The following ULK3 variants were observed in gnomAD, a reference collection of about 807,000 sequenced individuals.
The protein encoded by ULK3 is unc-51 like kinase 3.
Under a neutral mutation model 69.4 loss-of-function variants are expected in ULK3, and 54 were observed. The observed-to-expected ratio is 0.78, with a 90% confidence interval of 0.63 to 0.98. The LOEUF is 0.98. ULK3 is among the 50% of genes least tolerant of loss of function. The pLI, the probability that ULK3 is intolerant of heterozygous loss-of-function variation, is 0.00. For missense variants in ULK3, 558 were observed against 627.7 expected, an observed-to-expected ratio of 0.89 and a Z score of 1.19; for synonymous variants, 240 against 254.5, an observed-to-expected ratio of 0.94 and a Z score of 0.54.
In ULK3 at chr15:74,842,043, CAG is replaced by C. The variant is rs773567981; in HGVS notation, c.364+30_364+31del. 6.2e-7 allele frequency: 1 copy of C among 1,612,932 alleles called. No individual in the cohort carries two copies. The highest frequency in any genetic ancestry group is 1.1e-5 in the South Asian group (1 of 91,036). ...ATGGTGGGGGGCAGAGAACAAGGGA[CAG>C]AGTGTCAGGCTGGTGTCACAGGCCT... is the stretch of plus-strand genomic sequence containing the variant. On this transcript the variant is annotated intron_variant, in intron 3 of 15. Coordinates refer to ENST00000440863, the MANE Select transcript of ULK3 (RefSeq NM_001099436.4). The surrounding 1 kb of genome is among the most constrained non-coding windows in gnomAD (Gnocchi z 4.9).
In ULK3 at chr15:74,842,813, A is replaced by C; in HGVS notation, c.102+191T>G. ...CCTGTTCTTCAGCCACTGACCCTGC[A>C]GGTGGGTGCAGGTGCGCTCTTTAAG... On this transcript the variant is annotated intron_variant, in intron 1 of 15. Transcript: ENST00000440863. The surrounding 1 kb of genome is among the most constrained non-coding windows in gnomAD (Gnocchi z 4.9). 7.3e-7 allele frequency: 1 copy of C among 1,371,822 alleles called. No homozygotes were observed. The highest frequency in any genetic ancestry group is 9.7e-7 in the Non-Finnish European group (1 of 1,026,272). The allele number at this position is 1,371,822 out of a possible 1,614,324, so 85.0% of individuals were successfully genotyped here.
rs2064126319 is a variant in ULK3 at position 74,838,750 on chromosome 15, A to G, written c.1000-5T>C. 1.3e-6 allele frequency: 2 copies of G among 1,599,432 alleles called. No homozygotes were observed. Among genetic ancestry groups the G allele is most frequent in the South Asian group, 1.1e-5 (1 of 89,256 alleles). On this transcript the variant is annotated splice_polypyrimidine_tract_variant and splice_region_variant and intron_variant, in intron 9 of 15. Coordinates refer to ENST00000440863, the MANE Select transcript of ULK3 (RefSeq NM_001099436.4). ...CCGGGACACGTACTGCCCCACCTGT[A>G]GCAGGGAAAGGGCCTGAGGAGGGGC...
Position 74,843,018 on chromosome 15 carries a change from T to A in ULK3, c.88A>T (p.Lys30Ter). The A allele has an allele frequency of 6.5e-7, 1 of 1,541,666 alleles. No individual in the cohort carries two copies. Among genetic ancestry groups the A allele is most frequent in the Non-Finnish European group, 8.7e-7 (1 of 1,143,068 alleles). Residue 30 changes from lysine to a stop codon, truncating the protein, a stop_gained, in exon 1 of 16, where the codon AAG (lysine) becomes TAG (stop). Coordinates refer to ENST00000440863, the MANE Select transcript of ULK3 (RefSeq NM_001099436.4). LOFTEE classifies it high-confidence loss of function. ...CCGGCACCCACCTTGGCGTAGGCCTTGTACACCGTGGCGTACGTGCCGCTG... is the reference window on the plus strand; with the variant it reads ...CCGGCACCCACCTTGGCGTAGGCCTAGTACACCGTGGCGTACGTGCCGCTG... ...LGSGTYATVYKAYAKKDTREV... is the reference protein window; with the variant it reads ...LGSGTYATVY
In ULK3 at chr15:74,837,366, C is replaced by T. The variant is rs2064050453; in HGVS notation, c.1402+3G>A. 1.2e-6 allele frequency: 2 copies of T among 1,613,018 alleles called. No individual in the cohort carries two copies. Among genetic ancestry groups the T allele is most frequent in the Admixed American group, 1.7e-5 (1 of 59,812 alleles). On this transcript the variant is annotated splice_donor_region_variant and intron_variant, in intron 15 of 15. Transcript: ENST00000440863. ...GGAGGATCGACCCCAGGGCAGGACTCACAGCTACGAACAGATTCCGACAGT... is the reference window on the plus strand; with the variant it reads ...GGAGGATCGACCCCAGGGCAGGACTTACAGCTACGAACAGATTCCGACAGT...
intron 3 of ULK3, 130 bp from the exon 4 acceptor site, chr15:74,841,639 C>T: frequency 2.7e-6 from 2 of 744,662 alleles, no homozygotes; most frequent in Non-Finnish European, 4.4e-6. Flanking sequence ...TAATGTTTTC[C>T]ATATAAGCAC....
rs1278648076 is a variant in ULK3, at chr15:74,837,382, TTCCGACAGTCCC to T, written c.1377_1388del (p.Gly460_Glu463del). 6.2e-7 allele frequency: 1 copy of T among 1,613,112 alleles called. No individual in the cohort carries two copies. The highest frequency in any genetic ancestry group is 1.1e-5 in the South Asian group (1 of 90,878). ...GGCAGGACTCACAGCTACGAACAGATTCCGACAGTCCCTCTTTGTCCAGGGTGTCAGCTTCCC... is the reference window on the plus strand; with the variant it reads ...GGCAGGACTCACAGCTACGAACAGATTCTTTGTCCAGGGTGTCAGCTTCCC... On this transcript the variant is annotated inframe_deletion, in exon 15 of 16. Transcript: ENST00000440863.
intron 6 of ULK3, 21 bp downstream of exon 6, chr15:74,840,213 C>A: frequency 6.3e-7 from 1 of 1,597,578 alleles, no homozygotes; most frequent in Non-Finnish European, 8.5e-7. Flanking sequence ...CCAGTGGTCG[C>A]TAAGGCCCTG....
At chr15:74,837,681 G>C in intron 14 of ULK3, 70 bp downstream of exon 14, 1 of 1,506,606 alleles carries the variant, frequency 6.6e-7, no homozygotes, top group Admixed American at 2.0e-5. Flanking sequence ...AGCAGGGGGG[G>C]ACGACAGCCA....
chr15:74,839,767 C>T, intron 6 of ULK3, 54 bp from the exon 7 acceptor site: 1 of 1,470,822 alleles, frequency 6.8e-7, no homozygotes, highest in Admixed American at 2.4e-5. Context: ...CCACCCCTAC[C>T]CCTAGCCCAG....
intron 13 of ULK3, 96 bp downstream of exon 13, chr15:74,838,056 T>C (rs2064088754): frequency 6.7e-7 from 1 of 1,501,808 alleles, no homozygotes; most frequent in Non-Finnish European, 9.0e-7. Flanking sequence ...ACCCTGACAG[T>C]GGGACATTCC....
At chr15:74,841,871 C>T (rs1403890347) in intron 3 of ULK3, among the ~76,000 whole-genome samples, 3 of 152,224 alleles carry the variant, frequency 2.0e-5, no homozygotes, top group Admixed American at 2.0e-4. Flanking sequence ...AGCCTGAACA[C>T]CCCACAGAGG....
At chr15:74,839,791 A>G in intron 6 of ULK3, 78 bp from the exon 7 acceptor site, 1 of 1,443,818 alleles carries the variant, frequency 6.9e-7, no homozygotes, top group Non-Finnish European at 9.1e-7. Context: ...TCTGCGAGGA[A>G]CCCCAGAGGT....
chr15:74,839,621 G>A lies in ULK3; in HGVS notation c.789C>T (p.Asp263=), dbSNP rs1455313338. ...RDPSRRISFQ[D]FFAHPWVDLE... ...GGTCCACCCAGGGGTGCGCAAAAAA[G>A]TCCTGGAAGGAGATGCGACGGCTGG... The change falls in exon 7 of 16, where the codon GAC becomes GAT. Residue 263 remains aspartate, a synonymous_variant. Coordinates refer to ENST00000440863, the MANE Select transcript of ULK3 (RefSeq NM_001099436.4). 3 of 1,560,862 alleles carry A rather than the reference G, an allele frequency of 1.9e-6. No homozygotes were observed. Among genetic ancestry groups the A allele is most frequent in the Non-Finnish European group, 2.6e-6 (3 of 1,153,832 alleles).
At position 74,843,024 on chromosome 15, in the gene ULK3, C is replaced by T. The variant is rs748626370; in HGVS notation, c.82G>A (p.Val28Met). 7.2e-5 allele frequency: 111 copies of T among 1,535,656 alleles called. No individual in the cohort carries two copies. Among genetic ancestry groups the T allele is most frequent in the Non-Finnish European group, 8.7e-5 (99 of 1,139,824 alleles). ...CCCACCTTGGCGTAGGCCTTGTACA[C>T]CGTGGCGTACGTGCCGCTGCCCAGG... ...ERLGSGTYATVYKAYAKKDTR... is the reference protein window; with the variant it reads ...ERLGSGTYATMYKAYAKKDTR... Residue 28 changes from valine to methionine, a missense_variant, in exon 1 of 16, where the codon GTG becomes ATG. Coordinates refer to ENST00000440863, the MANE Select transcript of ULK3 (RefSeq NM_001099436.4).
intron 4 of ULK3, 133 bp downstream of exon 4, chr15:74,841,272 C>G: frequency 2.9e-6 from 2 of 684,348 alleles, no homozygotes; most frequent in Non-Finnish European, 4.8e-6. Flanking sequence ...GGGCCCAACC[C>G]CAGACTTCAC....
Position 74,843,085 on chromosome 15 carries a change from A to G in ULK3, c.21T>C (p.Gly7=). The change falls in exon 1 of 16, where the codon GGT becomes GGC. Residue 7 remains glycine, a synonymous_variant. Transcript: ENST00000440863. ...GGATGAAGCCGTCCAGGCGCGGGGG[A>G]CCCCAGCCGGGCCCCGCCATTCCGG... The part of the protein sequence containing the change: MAGPGW[G]PPRLDGFILT... 2 of 1,369,830 alleles carry G rather than the reference A, an allele frequency of 1.5e-6. No individual in the cohort carries two copies. The highest frequency in any genetic ancestry group is 1.9e-6 in the Non-Finnish European group (2 of 1,052,804). 84.9% of individuals were successfully genotyped at this position (1,369,830 alleles called of 1,614,324 possible).
At chr15:74,839,761 C>A in intron 6 of ULK3, 48 bp from the exon 7 acceptor site, 1 of 1,475,902 alleles carries the variant, frequency 6.8e-7, no homozygotes, top group Non-Finnish European at 8.9e-7. Context: ...GCTCCTCCAC[C>A]CCTACCCCTA....
chr15:74,837,913 A>T, intron 13 of ULK3, 115 bp from the exon 14 acceptor site: 4 of 1,250,092 alleles, frequency 3.2e-6, no homozygotes, highest in Middle Eastern at 1.9e-4. Context: ...CATCAGAACA[A>T]CTTGCCTCCT....
rs370835599 is a variant in ULK3, at chr15:74,838,324, C to T, written c.1188G>A (p.Glu396=). The T allele has an allele frequency of 1.9e-5, 29 of 1,566,570 alleles. No individual in the cohort carries two copies. The African/African-American group carries it at 3.0e-4, about 16-fold the overall frequency. ...GCTGGTACAGGTCCAGGGCATCCTG[C>T]TCCCCGCCGGCGGCCTCCTCCTGCA... ...AMAKEEAAGG[E]QDALDLYQHS... The change falls in exon 12 of 16, where the codon GAG becomes GAA. Residue 396 remains glutamate, a synonymous_variant. Coordinates refer to ENST00000440863, the MANE Select transcript of ULK3 (RefSeq NM_001099436.4).
Sources: allele counts gnomAD v4.1 joint callset (sites outside exome capture counted in the v4.1 genomes callset), GRCh38; gene constraint gnomAD v4.1.1; non-coding constraint Gnocchi (gnomAD v3.1); transcripts MANE v1.5; gene names NCBI Gene and HGNC (gene_info 2026-07-23, HGNC 2026-07-21).